Variants in NAV2 observed in about 807,000 individuals in gnomAD.
NAV2 encodes neuron navigator 2.
Under a neutral mutation model 223.2 loss-of-function variants are expected in NAV2, and 54 were observed. The observed-to-expected ratio is 0.24, with a 90% confidence interval of 0.19 to 0.30. The LOEUF is 0.30. NAV2 is among the 10% of genes least tolerant of loss of function. The pLI, the probability that NAV2 is intolerant of heterozygous loss-of-function variation, is 1.00. For synonymous variants in NAV2, 1,279 were observed against 1,239.3 expected (o/e 1.03, Z -0.67); for missense variants, 2,806 against 3,147.5 (o/e 0.89, Z 2.60).
At chr11:19,448,727 A>T (rs894966203) in intron 1 of NAV2, among the ~76,000 whole-genome samples, 2 of 152,262 alleles carry the variant, frequency 1.3e-5, no homozygotes, top group Non-Finnish European at 2.9e-5. Flanking sequence ...CATTGAATGC[A>T]ATGATATATG....
At chr11:19,967,854 C>T (rs1409841291) in intron 10 of NAV2, among the ~76,000 whole-genome samples, 1 of 152,186 alleles carries the variant, frequency 6.6e-6, no homozygotes, top group Non-Finnish European at 1.5e-5. Flanking sequence ...ATAGACTGAG[C>T]AGACTGGGTA....
At chr11:19,492,186 C>T (rs1033081337) in intron 1 of NAV2, among the ~76,000 whole-genome samples, 2 of 151,954 alleles carry the variant, frequency 1.3e-5, no homozygotes, top group Non-Finnish European at 2.9e-5. Context: ...AATTACCAAA[C>T]TGTGACACAG....
intron 1 of NAV2, among the ~76,000 whole-genome samples, chr11:19,579,368 A>C (rs1159977790): frequency 2.6e-5 from 4 of 152,194 alleles, no homozygotes; most frequent in African/African-American, 9.7e-5. Context: ...ATTGGTTCCC[A>C]CTGCTAGTGA....
intron 10 of NAV2, among the ~76,000 whole-genome samples, chr11:19,957,921 TGG>T (rs1184859193): frequency 1.3e-5 from 2 of 152,008 alleles, no homozygotes; most frequent in Non-Finnish European, 2.9e-5. Context: ...AAAAAATAAA[TGG>T]GTGTCTTGTC....
At chr11:19,887,832 A>G (rs1291864926) in intron 5 of NAV2, among the ~76,000 whole-genome samples, 1 of 152,108 alleles carries the variant, frequency 6.6e-6, no homozygotes, top group East Asian at 1.9e-4. Flanking sequence ...GGCAAAAAGC[A>G]TCTCTGATTA....
At position 19,939,771 on chromosome 11, in the gene NAV2, C is replaced by T. The variant is rs766841231; in HGVS notation, c.2144C>T (p.Thr715Ile). The stretch of plus-strand genomic sequence containing the variant: ...GGACAGCCTGCTCTGGAAGAACTCA[C>T]TGGTGAGTATGGAGCCTCAGAAATC... ...KTGQPALEEL[T>I]GEDPEARRLR... The change falls in exon 8 of 38, where the codon ACT (threonine) becomes ATT (isoleucine). Residue 715 changes from threonine to isoleucine, a missense_variant and splice_region_variant. By Grantham distance (89) the Thr-to-Ile change is moderately conservative (BLOSUM62 -1). This residue lies in a region of NAV2 where 1,167 missense variants were observed against 1,180.5 expected (regional missense o/e 0.99). Coordinates refer to ENST00000349880, the MANE Select transcript of NAV2 (RefSeq NM_145117.5). 1 of 1,612,712 alleles carries T rather than the reference C, an allele frequency of 6.2e-7. No homozygotes were observed. Among genetic ancestry groups the T allele is most frequent in the Admixed American group, 1.7e-5 (1 of 59,998 alleles).
At chr11:19,551,390 G>C (rs935664863) in intron 1 of NAV2, among the ~76,000 whole-genome samples, 2 of 152,228 alleles carry the variant, frequency 1.3e-5, no homozygotes, top group Non-Finnish European at 2.9e-5. Flanking sequence ...CTGAGCCTCA[G>C]AGAGGTCAAG....
chr11:19,610,711 T>C (rs1260898613), intron 1 of NAV2, among the ~76,000 whole-genome samples: 2 of 151,978 alleles, frequency 1.3e-5, no homozygotes, highest in Non-Finnish European at 2.9e-5. Flanking sequence ...GATGGATGGA[T>C]GGATGGATGG....
intron 1 of NAV2, among the ~76,000 whole-genome samples, chr11:19,655,219 G>A (rs548060006): frequency 6.8e-4 from 104 of 152,230 alleles, no homozygotes; most frequent in African/African-American, 1.2e-3. Flanking sequence ...TTAGAATGGC[G>A]ATCATTAAAA....
At chr11:19,489,772 T>C (rs903586202) in intron 1 of NAV2, among the ~76,000 whole-genome samples, 1 of 152,212 alleles carries the variant, frequency 6.6e-6, no homozygotes, top group Non-Finnish European at 1.5e-5. Flanking sequence ...CTAACAAAGA[T>C]AGATGCTTCT....
At chr11:19,737,895 C>A (rs2052469873) in intron 1 of NAV2, among the ~76,000 whole-genome samples, 1 of 152,210 alleles carries the variant, frequency 6.6e-6, no homozygotes, top group Admixed American at 6.5e-5. Flanking sequence ...GGTGAAACCA[C>A]TGACAATCTG....
chr11:19,564,961 C>T (rs1359249585), intron 1 of NAV2, among the ~76,000 whole-genome samples: 2 of 152,166 alleles, frequency 1.3e-5, no homozygotes, highest in Non-Finnish European at 2.9e-5. Context: ...ATAGTGAAAC[C>T]CTACCTCTAC....
intron 1 of NAV2, among the ~76,000 whole-genome samples, chr11:19,647,984 T>C (rs753964752): frequency 2.0e-5 from 3 of 152,172 alleles, no homozygotes; most frequent in Admixed American, 6.5e-5. Flanking sequence ...GACATTGTAG[T>C]AGCTTCCCTA....
intron 1 of NAV2, among the ~76,000 whole-genome samples, chr11:19,461,075 T>A (rs78726816): frequency 6.6e-6 from 1 of 152,200 alleles, no homozygotes; most frequent in Admixed American, 6.5e-5. Context: ...AGTTGTAATT[T>A]GTAACCAGCA....
chr11:19,646,540 A>C (rs998855704), intron 1 of NAV2, among the ~76,000 whole-genome samples: 2 of 152,118 alleles, frequency 1.3e-5, no homozygotes, highest in Non-Finnish European at 2.9e-5. Flanking sequence ...CAGGTGCTGA[A>C]AACTACTGGA....
At chr11:19,901,966 G>A (rs1742424976) in intron 6 of NAV2, among the ~76,000 whole-genome samples, 1 of 152,194 alleles carries the variant, frequency 6.6e-6, no homozygotes, top group Non-Finnish European at 1.5e-5. Context: ...AAGACAAAGA[G>A]GTGCTCTGAG....
At chr11:19,988,532 G>A (rs2051012049) in intron 11 of NAV2, among the ~76,000 whole-genome samples, 1 of 103,384 alleles carries the variant, frequency 9.7e-6, no homozygotes, top group Non-Finnish European at 2.2e-5. Context: ...CAAGCAGAAA[G>A]GAGAGATTTT....
At chr11:19,348,336 T>C (rs1469740637), upstream of NAV2, among the ~76,000 whole-genome samples, 1 of 152,142 alleles carries the variant, frequency 6.6e-6, no homozygotes, top group Non-Finnish European at 1.5e-5. Flanking sequence ...TTTTTTTCTT[T>C]TATTATTATT....
intron 1 of NAV2, among the ~76,000 whole-genome samples, chr11:19,706,109 T>C (rs1313939043): frequency 6.6e-6 from 1 of 152,208 alleles, no homozygotes; most frequent in Admixed American, 6.5e-5. Context: ...GTGATTTATA[T>C]TTCCACTGAT....
Sources: gnomAD v4.1 joint callset for allele counts (sites outside exome capture counted in the v4.1 genomes callset) on GRCh38, gnomAD v4.1.1 for gene constraint, gnomAD v4.1.1 regional missense constraint, MANE v1.5 for transcripts, NCBI Gene and HGNC (gene_info 2026-07-23, HGNC 2026-07-21) for gene names.